The following MAPK10 variants were observed in gnomAD, a reference collection of about 807,000 sequenced individuals.
MAPK10 encodes mitogen-activated protein kinase 10, also known as JNK3 alpha protein kinase.
A neutral mutation model predicts 59.3 loss-of-function variants in MAPK10; 25 were observed. The observed-to-expected ratio is 0.42, with a 90% CI of 0.31 to 0.59. The LOEUF (loss-of-function observed/expected upper bound fraction) is 0.59. MAPK10 is among the 20% of genes least tolerant of loss of function. The probability of loss-of-function intolerance (pLI) is 0.15; values close to 1 mark genes in which losing one functional copy is unlikely to be tolerated. For missense variants in MAPK10, 351 were observed against 568.9 expected, an observed-to-expected ratio of 0.62 and a Z score of 3.90; for synonymous variants, 190 against 200.5, an observed-to-expected ratio of 0.95 and a Z score of 0.44.
chr4:86,512,383 G>C (rs1330163142), intron 1 of MAPK10, among the ~76,000 whole-genome samples: 1 of 152,142 alleles, frequency 6.6e-6, no homozygotes, highest in Non-Finnish European at 1.5e-5. Context: ...TCATATTTGA[G>C]AACGTGCATA....
At position 86,139,636 on chromosome 4, in the gene MAPK10, G is replaced by T. The variant is rs57298875; in HGVS notation, c.236+19662C>A. Reference sequence around the variant, plus strand: ...ACATAGGCATGGGCAAGGATTTCATGTCTAAAACATCAAAAGCAATGGCAA... The same window carrying T: ...ACATAGGCATGGGCAAGGATTTCATTTCTAAAACATCAAAAGCAATGGCAA... On this transcript the variant is annotated intron_variant, in intron 4 of 13. Transcript: ENST00000641462. Among the ~76,000 whole-genome samples the T allele has an allele frequency of 5.3e-3, 813 of 152,282 alleles. 8 individuals carry two copies. Among genetic ancestry groups the T allele is most frequent in the African/African-American group, 0.018 (763 of 41,542 alleles).
chr4:86,579,504 T>C (rs1160984923), intron 1 of MAPK10, among the ~76,000 whole-genome samples: 5 of 137,786 alleles, frequency 3.6e-5, no homozygotes, highest in African/African-American at 1.3e-4. Flanking sequence ...CAAGCAAATA[T>C]GGATATGTGT....
At chr4:86,429,881 T>C (rs894685286) in intron 1 of MAPK10, 5 of 152,074 alleles carry the variant, frequency 3.3e-5, no homozygotes, top group Non-Finnish European at 5.9e-5. Flanking sequence ...GTGTTTTCCT[T>C]TCTTCACAAA....
intron 1 of MAPK10, among the ~76,000 whole-genome samples, chr4:86,554,229 C>A (rs1236044095): frequency 6.6e-6 from 1 of 152,134 alleles, no homozygotes; most frequent in African/African-American, 2.4e-5. Context: ...AGGGTTTCAT[C>A]CTTGGTGGTA....
At chr4:86,509,272 T>C (rs1292829186) in intron 1 of MAPK10, among the ~76,000 whole-genome samples, 1 of 152,090 alleles carries the variant, frequency 6.6e-6, no homozygotes, top group Non-Finnish European at 1.5e-5. Flanking sequence ...TAACTATTAA[T>C]TGCTTAGGGT....
intron 2 of MAPK10, among the ~76,000 whole-genome samples, chr4:86,296,175 C>CAAAAA (rs34854999): frequency 8.6e-6 from 1 of 116,268 alleles, no homozygotes. Context: ...GACTTGGTCT[C>CAAAAA]AAAAAAAAAA....
At chr4:86,360,124 A>C (rs886059683), upstream of MAPK10, 1 of 985,392 alleles carries the variant, frequency 1.0e-6, no homozygotes, top group Non-Finnish European at 1.2e-6. Flanking sequence ...AGGAGCACAC[A>C]TGACGTCAAA....
chr4:86,460,964 C>G (rs1579298434), intron 1 of MAPK10, among the ~76,000 whole-genome samples: 1 of 152,108 alleles, frequency 6.6e-6, no homozygotes, highest in East Asian at 1.9e-4. Context: ...TGCTATATTT[C>G]TGTGTGTGTG....
At chr4:86,167,549 C>A (rs1278237410) in intron 3 of MAPK10, among the ~76,000 whole-genome samples, 3 of 152,130 alleles carry the variant, frequency 2.0e-5, no homozygotes, top group Non-Finnish European at 4.4e-5. Context: ...CCCTGGGATG[C>A]AAGGGTGGTT....
chr4:86,262,637 AAATT>A (rs1476832318), intron 2 of MAPK10, among the ~76,000 whole-genome samples: 2 of 152,218 alleles, frequency 1.3e-5, no homozygotes, highest in Non-Finnish European at 2.9e-5. Context: ...TTTGTTGAAT[AAATT>A]AAGCAATTAA....
chr4:86,295,152 C>T (rs959913801), intron 2 of MAPK10, among the ~76,000 whole-genome samples: 11 of 152,198 alleles, frequency 7.2e-5, no homozygotes, highest in African/African-American at 2.4e-4. Context: ...CACAGCCCGA[C>T]ACTCACATCC....
chr4:86,096,916 T>C (rs987383518), intron 9 of MAPK10, among the ~76,000 whole-genome samples: 2 of 151,942 alleles, frequency 1.3e-5, no homozygotes, highest in Non-Finnish European at 2.9e-5. Context: ...GACCTTAAGA[T>C]TGGTTATAAA....
At chr4:86,241,336 G>T (rs2092708760) in intron 2 of MAPK10, among the ~76,000 whole-genome samples, 1 of 152,036 alleles carries the variant, frequency 6.6e-6, no homozygotes, top group African/African-American at 2.4e-5. Context: ...TTCTCGTGGG[G>T]TATCTTAATG....
intron 1 of MAPK10, among the ~76,000 whole-genome samples, chr4:86,423,324 C>T (rs965720852): frequency 2.0e-5 from 3 of 152,128 alleles, no homozygotes; most frequent in East Asian, 1.9e-4. Flanking sequence ...AATGCTGGCA[C>T]ATCAATACAA....
At chr4:86,399,213 T>G (rs965304183) in intron 1 of MAPK10, among the ~76,000 whole-genome samples, 1 of 152,196 alleles carries the variant, frequency 6.6e-6, no homozygotes, top group Non-Finnish European at 1.5e-5. Context: ...CTAATTTACA[T>G]TCCCACCTAC....
intron 1 of MAPK10, among the ~76,000 whole-genome samples, chr4:86,458,322 G>A (rs982458298): frequency 4.0e-5 from 6 of 151,596 alleles, no homozygotes; most frequent in African/African-American, 1.5e-4. Context: ...AACTAGCCGG[G>A]CGTGGTGGCA....
chr4:86,019,770 G>T (rs565680056), intron 13 of MAPK10, among the ~76,000 whole-genome samples: 2 of 152,064 alleles, frequency 1.3e-5, no homozygotes, highest in Non-Finnish European at 2.9e-5. Flanking sequence ...TATTATAAAG[G>T]CCTGATCAAT....
intron 12 of MAPK10, among the ~76,000 whole-genome samples, chr4:86,029,946 T>G (rs1413420912): frequency 2.0e-5 from 3 of 148,194 alleles, no homozygotes; most frequent in Admixed American, 6.7e-5. Context: ...AGAGTTAAAT[T>G]GGATAGTTTC....
chr4:86,110,035 A>C (rs1387483776), intron 4 of MAPK10, among the ~76,000 whole-genome samples: 1 of 152,116 alleles, frequency 6.6e-6, no homozygotes, highest in African/African-American at 2.4e-5. Context: ...TTCTTTTGAG[A>C]AGTAACTGTT....
Sources: gnomAD v4.1 joint callset for allele counts (sites outside exome capture counted in the v4.1 genomes callset) on GRCh38, gnomAD v4.1.1 for gene constraint, MANE v1.5 for transcripts, NCBI Gene and HGNC (gene_info 2026-07-23, HGNC 2026-07-21) for gene names.